EPHA5: variants seen among roughly 807,000 people sequenced by gnomAD.
EPHA5 encodes ephrin type-A receptor 5.
In EPHA5, 60 loss-of-function variants were observed where a neutral mutation model predicts 105.0. The ratio of observed to expected loss-of-function variants is 0.57; its 90% CI spans 0.46 to 0.71. The LOEUF (loss-of-function observed/expected upper bound fraction) is 0.71, where lower values mean the gene tolerates loss of function less well. Among genes scored for constraint, EPHA5 ranks in the 30% least tolerant of loss-of-function variants. The pLI, the probability that EPHA5 is intolerant of heterozygous loss-of-function variation, is 0.00. For missense variants in EPHA5, 1,218 were observed against 1,274.7 expected (o/e 0.96, Z 0.68); for synonymous variants, 513 against 449.1 (o/e 1.14, Z -1.80).
chr4:65,618,420 T>A (rs191197773), intron 2 of EPHA5, among the ~76,000 whole-genome samples: 56 of 152,116 alleles, frequency 3.7e-4, no homozygotes, highest in African/African-American at 1.3e-3. Context: ...AAGAAAAAAA[T>A]TTTACAAGTC....
chr4:65,641,489 G>A (rs1747663517), intron 2 of EPHA5, among the ~76,000 whole-genome samples: 1 of 151,872 alleles, frequency 6.6e-6, no homozygotes, highest in South Asian at 2.1e-4. Context: ...CTACGATTAT[G>A]TTGCTTATCT....
chr4:65,351,365 G>A, intron 13 of EPHA5, 24 bp downstream of exon 13: 1 of 1,606,894 alleles, frequency 6.2e-7, no homozygotes, highest in Non-Finnish European at 8.5e-7. Flanking sequence ...CTAGTGTTTA[G>A]AAATGCACTC....
At chr4:65,482,910 T>A (rs945965051) in intron 5 of EPHA5, among the ~76,000 whole-genome samples, 1 of 151,830 alleles carries the variant, frequency 6.6e-6, no homozygotes, top group Non-Finnish European at 1.5e-5. Flanking sequence ...GTGCACAACG[T>A]GCAGGTTTGT....
At chr4:65,496,889 TAAAG>T (rs938880632) in intron 3 of EPHA5, among the ~76,000 whole-genome samples, 2 of 152,176 alleles carry the variant, frequency 1.3e-5, no homozygotes, top group African/African-American at 4.8e-5. Context: ...TAGAATCACA[TAAAG>T]AAAGTGTTTT....
At chr4:65,368,390 T>A (rs915309203) in intron 8 of EPHA5, among the ~76,000 whole-genome samples, 1 of 152,176 alleles carries the variant, frequency 6.6e-6, no homozygotes, top group Non-Finnish European at 1.5e-5. Flanking sequence ...GCATTTTTCT[T>A]TACTTCTTTC....
intron 2 of EPHA5, among the ~76,000 whole-genome samples, chr4:65,631,701 C>T (rs1302034991): frequency 6.9e-6 from 1 of 145,638 alleles, no homozygotes; most frequent in Non-Finnish European, 1.5e-5. Flanking sequence ...AGCTAGCCAA[C>T]TGCAGTTGGA....
intron 2 of EPHA5, among the ~76,000 whole-genome samples, chr4:65,630,972 A>G (rs1381654825): frequency 6.6e-6 from 1 of 152,160 alleles, no homozygotes; most frequent in East Asian, 1.9e-4. Flanking sequence ...TACTTCCTCT[A>G]TATCCTGACT....
intron 5 of EPHA5, among the ~76,000 whole-genome samples, chr4:65,466,586 G>A (rs893748544): frequency 3.9e-5 from 6 of 152,172 alleles, no homozygotes; most frequent in Non-Finnish European, 7.3e-5. Flanking sequence ...CCAGGGGACT[G>A]TTGCAATCTA....
intron 3 of EPHA5, among the ~76,000 whole-genome samples, chr4:65,597,764 T>C (rs1158305171): frequency 2.6e-5 from 4 of 152,194 alleles, no homozygotes; most frequent in African/African-American, 9.6e-5. Flanking sequence ...GTAGTCTATT[T>C]CTCTTAAAGA....
At chr4:65,399,407 T>A (rs1258676775) in intron 8 of EPHA5, among the ~76,000 whole-genome samples, 2 of 152,184 alleles carry the variant, frequency 1.3e-5, no homozygotes, top group East Asian at 3.9e-4. Context: ...TAACACAAGA[T>A]GAGTGCAGCC....
intron 3 of EPHA5, among the ~76,000 whole-genome samples, chr4:65,502,859 A>G (rs866632318): frequency 2.6e-5 from 4 of 151,986 alleles, no homozygotes; most frequent in Middle Eastern, 3.4e-3. Flanking sequence ...GCATGAATCA[A>G]CCTAGGTTTC....
chr4:65,581,963 A>T (rs1005092552), intron 3 of EPHA5, among the ~76,000 whole-genome samples: 9 of 151,880 alleles, frequency 5.9e-5, no homozygotes, highest in African/African-American at 2.2e-4. Context: ...TAATAATGTG[A>T]ACATTTTTAT....
chr4:65,603,500 T>A (rs1578551971), intron 2 of EPHA5, among the ~76,000 whole-genome samples: 1 of 152,150 alleles, frequency 6.6e-6, no homozygotes, highest in African/African-American at 2.4e-5. Flanking sequence ...TAGACACTCA[T>A]TTCTTTAGAC....
At chr4:65,605,283 A>G (rs1744118499) in intron 2 of EPHA5, among the ~76,000 whole-genome samples, 1 of 152,136 alleles carries the variant, frequency 6.6e-6, no homozygotes. Context: ...GGAAGAAAGA[A>G]CTTACTTTCA....
rs184538320 is a variant in EPHA5, at chr4:65,626,830, G to A, written c.246+16533C>T. Among the ~76,000 whole-genome samples the A allele has an allele frequency of 1.7e-3, 256 of 152,288 alleles. 1 individual carries two copies. Among genetic ancestry groups the A allele is most frequent in the Non-Finnish European group, 3.1e-3 (211 of 68,018 alleles). On this transcript the variant is annotated intron_variant, in intron 2 of 16. Coordinates refer to ENST00000613740, the MANE Select transcript of EPHA5 (RefSeq NM_001281766.3). Reference sequence around the variant, plus strand: ...GATCAATAGATGAGATTATATAGATGTATAGTTAAAATATCAGCTAAATAA... The same window carrying A: ...GATCAATAGATGAGATTATATAGATATATAGTTAAAATATCAGCTAAATAA...
chr4:65,451,089 G>A (rs1727021792), intron 5 of EPHA5, among the ~76,000 whole-genome samples: 1 of 152,144 alleles, frequency 6.6e-6, no homozygotes, highest in Non-Finnish European at 1.5e-5. Flanking sequence ...AGACTGTTGA[G>A]AAGTGCCCAT....
At chr4:65,324,473 G>A (rs1868848) in intron 16 of EPHA5, among the ~76,000 whole-genome samples, 15,071 of 151,378 alleles carry the variant, frequency 0.1, 968 homozygotes, top group African/African-American at 0.17. Context: ...CTATTTTAGT[G>A]GTGCAGAGTG....
intron 3 of EPHA5, among the ~76,000 whole-genome samples, chr4:65,513,785 C>A (rs1733851901): frequency 6.6e-6 from 1 of 152,090 alleles, no homozygotes; most frequent in South Asian, 2.1e-4. Context: ...TTTAAAAAAA[C>A]GTCAATACTT....
chr4:65,354,044 T>C (rs1200617097), intron 11 of EPHA5, among the ~76,000 whole-genome samples: 2 of 151,690 alleles, frequency 1.3e-5, no homozygotes, highest in African/African-American at 2.4e-5. Flanking sequence ...TTATTATGGA[T>C]CCCGGGCAAG....
Sources: allele counts gnomAD v4.1 joint callset (sites outside exome capture counted in the v4.1 genomes callset), GRCh38; gene constraint gnomAD v4.1.1; transcripts MANE v1.5; gene names NCBI Gene and HGNC (gene_info 2026-07-23, HGNC 2026-07-21).